HS3ST4: variants seen among roughly 807,000 people sequenced by gnomAD.
HS3ST4 encodes the protein heparan sulfate-glucosamine 3-sulfotransferase 4.
Under a neutral mutation model 29.2 loss-of-function variants are expected in HS3ST4, and 17 were observed. That is an observed-to-expected ratio of 0.58 (90% confidence interval 0.40 to 0.87). The LOEUF is 0.87. Ranked by LOEUF, HS3ST4 falls within the 40% of genes least tolerant of loss-of-function variation. The pLI, the probability that HS3ST4 is intolerant of heterozygous loss-of-function variation, is 0.00. For synonymous variants in HS3ST4, 314 were observed against 285.7 expected (o/e 1.10, Z -1.00); for missense variants, 627 against 634.5 (o/e 0.99, Z 0.13).
chr16:26,073,084 A>T (rs1196156098), intron 1 of HS3ST4, among the ~76,000 whole-genome samples: 1 of 152,234 alleles, frequency 6.6e-6, no homozygotes, highest in Non-Finnish European at 1.5e-5. Flanking sequence ...GCACATAGTA[A>T]ACAGCATTAC....
intron 1 of HS3ST4, among the ~76,000 whole-genome samples, chr16:26,113,258 A>C (rs1037992288): frequency 6.6e-6 from 1 of 152,144 alleles, no homozygotes; most frequent in African/African-American, 2.4e-5. Flanking sequence ...CAGCCTGGCC[A>C]ACATGGTGAA....
chr16:25,701,700 A>G (rs1041037346), intron 1 of HS3ST4, among the ~76,000 whole-genome samples: 3 of 152,216 alleles, frequency 2.0e-5, no homozygotes, highest in Non-Finnish European at 4.4e-5. Flanking sequence ...TTAAACATGT[A>G]TTATCAACCA....
chr16:25,707,865 C>T (rs1183631146), intron 1 of HS3ST4, among the ~76,000 whole-genome samples: 1 of 152,182 alleles, frequency 6.6e-6, no homozygotes, highest in Non-Finnish European at 1.5e-5. Context: ...TCATTCGGGT[C>T]TCTGCTCAAT....
chr16:26,115,516 C>G (rs928619424), intron 1 of HS3ST4, among the ~76,000 whole-genome samples: 2 of 151,948 alleles, frequency 1.3e-5, no homozygotes, highest in Non-Finnish European at 2.9e-5. Context: ...AACACCTGTT[C>G]AGAGAAAAGC....
intron 1 of HS3ST4, among the ~76,000 whole-genome samples, chr16:26,088,514 A>G (rs561822688): frequency 6.6e-6 from 1 of 152,244 alleles, no homozygotes; most frequent in Non-Finnish European, 1.5e-5. Context: ...TTTGATTGTG[A>G]TAGTGGCTGG....
intron 1 of HS3ST4, among the ~76,000 whole-genome samples, chr16:26,024,829 A>C (rs1195666854): frequency 6.6e-6 from 1 of 152,192 alleles, no homozygotes; most frequent in African/African-American, 2.4e-5. Flanking sequence ...AAATTGACAG[A>C]GTGTAATCTA....
chr16:25,853,025 G>C (rs1431739216), intron 1 of HS3ST4, among the ~76,000 whole-genome samples: 1 of 152,082 alleles, frequency 6.6e-6, no homozygotes, highest in Non-Finnish European at 1.5e-5. Flanking sequence ...TCCTGCTCTT[G>C]CCTCAACACT....
At chr16:25,819,750 T>C (rs1291401262) in intron 1 of HS3ST4, among the ~76,000 whole-genome samples, 1 of 152,014 alleles carries the variant, frequency 6.6e-6, no homozygotes, top group Non-Finnish European at 1.5e-5. Flanking sequence ...GGATTTGACA[T>C]TCATTGGCCT....
At chr16:25,747,111 T>C (rs1057266888) in intron 1 of HS3ST4, among the ~76,000 whole-genome samples, 1 of 152,170 alleles carries the variant, frequency 6.6e-6, no homozygotes, top group African/African-American at 2.4e-5. Flanking sequence ...TGCCTCAGCC[T>C]CTCAAAGTGT....
At chr16:25,773,793 C>A (rs1178859321) in intron 1 of HS3ST4, among the ~76,000 whole-genome samples, 1 of 152,168 alleles carries the variant, frequency 6.6e-6, no homozygotes, top group East Asian at 1.9e-4. Context: ...ATTCTTCACC[C>A]CCTGCCATCC....
Position 25,692,474 on chromosome 16 carries a change from G to C in HS3ST4, c.57G>C (p.Ala19=), listed in dbSNP as rs147594679. 2.9e-6 allele frequency: 4 copies of C among 1,358,924 alleles called. No homozygotes were observed. Among genetic ancestry groups the C allele is most frequent in the South Asian group, 3.1e-5 (2 of 64,884 alleles). The allele number at this position is 1,358,924 out of a possible 1,614,324, so 84.2% of individuals were successfully genotyped here. A position where few individuals can be genotyped will look rare whatever the true frequency, so the allele number is the denominator to read the frequency against. The change falls in exon 1 of 2, where the codon GCG becomes GCC. Residue 19 remains alanine (A), a synonymous_variant. Coordinates refer to ENST00000331351, the MANE Select transcript of HS3ST4 (RefSeq NM_006040.3). ...PPPPPPPPLA[A]PPPPGASAKG... Reference sequence around the variant, plus strand: ...CGCCTCCGCCTCCACCTCTGGCCGCGCCGCCGCCGCCCGGCGCCTCTGCTA... The same window carrying C: ...CGCCTCCGCCTCCACCTCTGGCCGCCCCGCCGCCGCCCGGCGCCTCTGCTA...
At chr16:25,780,743 G>T (rs2141615149) in intron 1 of HS3ST4, among the ~76,000 whole-genome samples, 1 of 152,274 alleles carries the variant, frequency 6.6e-6, no homozygotes, top group Non-Finnish European at 1.5e-5. Flanking sequence ...TCAGTAAACT[G>T]CCTAATGGAA....
intron 1 of HS3ST4, among the ~76,000 whole-genome samples, chr16:25,903,218 A>G (rs187110231): frequency 6.6e-6 from 1 of 151,278 alleles, no homozygotes; most frequent in East Asian, 1.9e-4. Context: ...ATACCCTGCA[A>G]AATAGAGACT....
intron 1 of HS3ST4, among the ~76,000 whole-genome samples, chr16:26,043,733 C>T (rs945579466): frequency 6.6e-6 from 1 of 152,192 alleles, no homozygotes; most frequent in Non-Finnish European, 1.5e-5. Flanking sequence ...ACAGCATCCA[C>T]ATCCACTCCG....
chr16:26,050,664 G>A (rs1898331488), intron 1 of HS3ST4, among the ~76,000 whole-genome samples: 2 of 152,110 alleles, frequency 1.3e-5, no homozygotes, highest in Admixed American at 1.3e-4. Context: ...ACCCTCCGCC[G>A]AGCAATTTGA....
intron 1 of HS3ST4, among the ~76,000 whole-genome samples, chr16:25,747,094 G>A (rs1366679230): frequency 6.6e-6 from 1 of 152,068 alleles, no homozygotes; most frequent in Non-Finnish European, 1.5e-5. Context: ...CTGGCTTCAA[G>A]CAATACTGCC....
intron 1 of HS3ST4, among the ~76,000 whole-genome samples, chr16:25,877,785 C>T (rs758552604): frequency 6.6e-6 from 1 of 152,162 alleles, no homozygotes; most frequent in Non-Finnish European, 1.5e-5. Flanking sequence ...ATGATTCTTA[C>T]TACAGAGAGT....
chr16:25,758,507 A>T (rs752185994), intron 1 of HS3ST4, among the ~76,000 whole-genome samples: 1 of 152,166 alleles, frequency 6.6e-6, no homozygotes, highest in Non-Finnish European at 1.5e-5. Context: ...TGGGGCCTCA[A>T]GGATGCCTAG....
chr16:25,877,808 A>T (rs1967848560), intron 1 of HS3ST4, among the ~76,000 whole-genome samples: 1 of 152,188 alleles, frequency 6.6e-6, no homozygotes, highest in Admixed American at 6.5e-5. Context: ...TTCCTTGTAT[A>T]ACACTGTAGC....
Sources: allele counts gnomAD v4.1 joint callset (sites outside exome capture counted in the v4.1 genomes callset), GRCh38; gene constraint gnomAD v4.1.1; transcripts MANE v1.5; gene names NCBI Gene and HGNC (gene_info 2026-07-23, HGNC 2026-07-21).